The following BMPR1A variants were observed in gnomAD, a reference collection of about 807,000 sequenced individuals.
BMPR1A encodes bone morphogenetic protein receptor type 1A.
BMPR1A carries 7 observed loss-of-function variants against 66.0 expected under a neutral mutation model. That is an observed-to-expected ratio of 0.11 (90% CI 0.06 to 0.20). The LOEUF (loss-of-function observed/expected upper bound fraction) is 0.20, where lower values mean the gene tolerates loss of function less well. Ranked by LOEUF, BMPR1A falls within the 10% of genes least tolerant of loss-of-function variation. The pLI, the probability that BMPR1A is intolerant of heterozygous loss-of-function variation, is 1.00. For synonymous variants in BMPR1A, 200 were observed against 229.7 expected, an observed-to-expected ratio of 0.87 and a Z score of 1.17; for missense variants, 408 against 669.1, an observed-to-expected ratio of 0.61 and a Z score of 4.31.
intron 1 of BMPR1A, among the ~76,000 whole-genome samples, chr10:86,828,889 G>A (rs1842231441): frequency 1.3e-5 from 2 of 152,144 alleles, no homozygotes; most frequent in Admixed American, 6.5e-5. Context: ...TGTTAGGTTC[G>A]TAAGTTGTAG....
At chr10:86,796,588 G>GT (rs1023587130) in intron 1 of BMPR1A, among the ~76,000 whole-genome samples, 13 of 148,572 alleles carry the variant, frequency 8.7e-5, no homozygotes, top group East Asian at 2.0e-4. Context: ...CTTCTTTTTT[G>GT]TTTTTTGAGA....
intron 8 of BMPR1A, among the ~76,000 whole-genome samples, chr10:86,915,378 TGTG>T (rs2133564745): frequency 1.3e-5 from 2 of 152,332 alleles, no homozygotes; most frequent in South Asian, 4.1e-4. Context: ...GTATCTTAAT[TGTG>T]GTATTGGTGA....
intron 1 of BMPR1A, among the ~76,000 whole-genome samples, chr10:86,806,805 C>T (rs1239032967): frequency 2.0e-5 from 3 of 152,048 alleles, no homozygotes; most frequent in Non-Finnish European, 4.4e-5. Context: ...CTGTGTCGGC[C>T]TCCCAAAGTC....
intron 2 of BMPR1A, chr10:86,855,100 T>G: frequency 1.9e-5 from 5 of 259,022 alleles, no homozygotes; most frequent in Admixed American, 5.3e-5. Flanking sequence ...GCCCAGCTAA[T>G]TATTGTATTT....
intron 3 of BMPR1A, among the ~76,000 whole-genome samples, chr10:86,883,214 C>T (rs1280554195): frequency 3.3e-5 from 5 of 151,772 alleles, no homozygotes; most frequent in African/African-American, 7.3e-5. Flanking sequence ...CTTGGCTGGG[C>T]ACGTTAGCTC....
At chr10:86,845,674 C>A (rs1842473937) in intron 2 of BMPR1A, among the ~76,000 whole-genome samples, 1 of 152,072 alleles carries the variant, frequency 6.6e-6, no homozygotes, top group South Asian at 2.1e-4. Context: ...TGTCACTGAC[C>A]CTGCAGATTG....
At chr10:86,804,792 G>GTTTTTTTTTTTTTTTTTTTTTTTT (rs5786747) in intron 1 of BMPR1A, among the ~76,000 whole-genome samples, 24 of 57,264 alleles carry the variant, frequency 4.2e-4, no homozygotes, top group African/African-American at 6.6e-4. Context: ...GTTTGTAGGT[G>GTTTTTTTTTTTTTTTTTTTTTTTT]TTTTTTTTTT....
At chr10:86,866,264 G>A (rs2133262706) in intron 2 of BMPR1A, among the ~76,000 whole-genome samples, 1 of 150,992 alleles carries the variant, frequency 6.6e-6, no homozygotes, top group South Asian at 2.1e-4. Context: ...GTGTAAAAAG[G>A]GACACAGTAC....
chr10:86,762,519 C>G (rs1020355534), intron 1 of BMPR1A, among the ~76,000 whole-genome samples: 6 of 152,172 alleles, frequency 3.9e-5, no homozygotes, highest in Non-Finnish European at 8.8e-5. Flanking sequence ...GCCAATACGC[C>G]TGGCTCCTTT....
Position 86,925,707 on chromosome 10 carries a change from A to C in BMPR1A, c.*1988A>C, listed in dbSNP as rs1843729678. On this transcript the variant is annotated 3_prime_UTR_variant, in exon 13 of 13. Transcript: ENST00000372037. The stretch of plus-strand genomic sequence containing the variant: ...TTTTGACTTGATACCATAATCTTTA[A>C]AATCATTTGTCATCTTTTTTTTTTT... 1 of 172,504 alleles carries C rather than the reference A, an allele frequency of 5.8e-6. No homozygotes were observed. The highest frequency in any genetic ancestry group is 2.6e-5 in the African/African-American group (1 of 38,648). 10.7% of individuals were successfully genotyped at this position (172,504 alleles called of 1,614,324 possible). A position where few individuals can be genotyped will look rare whatever the true frequency, so the allele number is the denominator to read the frequency against.
At chr10:86,826,405 CAAGG>C (rs1337265429) in intron 1 of BMPR1A, among the ~76,000 whole-genome samples, 2 of 132,542 alleles carry the variant, frequency 1.5e-5, no homozygotes, top group Non-Finnish European at 3.2e-5. Flanking sequence ...AGAAACCAAT[CAAGG>C]AAACACACAC....
chr10:86,879,510 C>T (rs1842960491), intron 3 of BMPR1A, among the ~76,000 whole-genome samples: 3 of 152,204 alleles, frequency 2.0e-5, no homozygotes, highest in Admixed American at 1.3e-4. Flanking sequence ...TACATGTGCA[C>T]ATGCCTGTTG....
intron 8 of BMPR1A, among the ~76,000 whole-genome samples, chr10:86,914,549 A>T (rs937769379): frequency 6.6e-6 from 1 of 152,196 alleles, no homozygotes; most frequent in Non-Finnish European, 1.5e-5. Context: ...CAATTTTTTT[A>T]AAAAATGGAC....
chr10:86,931,645 T>A (rs906817614), downstream of BMPR1A: 1 of 152,162 alleles, frequency 6.6e-6, no homozygotes, highest in African/African-American at 2.4e-5. Context: ...GTGAGAAGTC[T>A]GATGTGGATC....
At chr10:86,817,173 C>T (rs1226953738) in intron 1 of BMPR1A, among the ~76,000 whole-genome samples, 2 of 152,172 alleles carry the variant, frequency 1.3e-5, no homozygotes, top group African/African-American at 4.8e-5. Context: ...ACCATCACCA[C>T]CATCCATCTC....
intron 7 of BMPR1A, among the ~76,000 whole-genome samples, chr10:86,908,578 T>C (rs920616890): frequency 3.3e-5 from 5 of 151,796 alleles, no homozygotes; most frequent in African/African-American, 1.2e-4. Context: ...GAAGGAAGGG[T>C]TTTTCTCTGA....
At chr10:86,780,585 C>A (rs1841422479) in intron 1 of BMPR1A, among the ~76,000 whole-genome samples, 1 of 152,092 alleles carries the variant, frequency 6.6e-6, no homozygotes, top group East Asian at 1.9e-4. Context: ...CAGGCGTGCA[C>A]CACCACGCCC....
intron 1 of BMPR1A, among the ~76,000 whole-genome samples, chr10:86,791,062 G>A (rs761194897): frequency 3.9e-5 from 6 of 152,134 alleles, no homozygotes; most frequent in Non-Finnish European, 1.5e-5. Context: ...AAATGTGTTA[G>A]CTACTAAATC....
chr10:86,859,522 C>G (rs1488940744), intron 2 of BMPR1A, among the ~76,000 whole-genome samples: 2 of 152,008 alleles, frequency 1.3e-5, no homozygotes, highest in African/African-American at 4.8e-5. Flanking sequence ...GATTGCTATA[C>G]TTATTGAAAA....
Sources: gnomAD v4.1 joint callset for allele counts (sites outside exome capture counted in the v4.1 genomes callset) on GRCh38, gnomAD v4.1.1 for gene constraint, MANE v1.5 for transcripts, NCBI Gene and HGNC (gene_info 2026-07-23, HGNC 2026-07-21) for gene names.